CNTNAP2: variants seen among roughly 807,000 people sequenced by gnomAD.
The protein encoded by CNTNAP2 is contactin associated protein 2.
A neutral mutation model predicts 155.2 loss-of-function variants in CNTNAP2; 98 were observed. The ratio of observed to expected loss-of-function variants is 0.63; its 90% CI spans 0.54 to 0.75. The LOEUF is 0.75. CNTNAP2 is among the 30% of genes least tolerant of loss of function. CNTNAP2 has a pLI of 0.00. For missense variants in CNTNAP2, 1,727 were observed against 1,688.1 expected, an observed-to-expected ratio of 1.02 and a Z score of -0.40; for synonymous variants, 651 against 631.2, an observed-to-expected ratio of 1.03 and a Z score of -0.47.
intron 22 of CNTNAP2, among the ~76,000 whole-genome samples, chr7:148,393,695 C>G (rs78746614): frequency 3.3e-3 from 505 of 152,308 alleles, no homozygotes; most frequent in African/African-American, 0.011. Context: ...GTCCAGCAAT[C>G]TATGAATACC....
intron 1 of CNTNAP2, among the ~76,000 whole-genome samples, chr7:146,667,621 G>A (rs986794032): frequency 1.1e-4 from 17 of 151,552 alleles, no homozygotes; most frequent in African/African-American, 4.1e-4. Context: ...GTATCTTTCT[G>A]TTCATTTGTA....
At chr7:147,982,389 T>C (rs1801546282) in intron 15 of CNTNAP2, among the ~76,000 whole-genome samples, 1 of 152,180 alleles carries the variant, frequency 6.6e-6, no homozygotes, top group Non-Finnish European at 1.5e-5. Flanking sequence ...TCCAAGGCCA[T>C]GCCAGAAACA....
intron 13 of CNTNAP2, among the ~76,000 whole-genome samples, chr7:147,709,319 G>C (rs546173354): frequency 6.6e-6 from 1 of 152,182 alleles, no homozygotes; most frequent in South Asian, 2.1e-4. Flanking sequence ...GCCCAATCCC[G>C]CATCTTACTT....
intron 1 of CNTNAP2, among the ~76,000 whole-genome samples, chr7:146,140,860 G>A (rs140906382): frequency 1.6e-3 from 251 of 152,192 alleles, no homozygotes; most frequent in African/African-American, 4.1e-3. Context: ...TATTATGAAG[G>A]GGGTGGTGGC....
chr7:148,253,009 C>G (rs13240702), intron 20 of CNTNAP2, among the ~76,000 whole-genome samples: 29,584 of 139,078 alleles, frequency 0.21, 3,465 homozygotes, highest in Admixed American at 0.26. Flanking sequence ...TAGATAGATA[C>G]ATAGATAGAT....
At chr7:146,721,091 T>C (rs1801291551) in intron 1 of CNTNAP2, among the ~76,000 whole-genome samples, 1 of 127,000 alleles carries the variant, frequency 7.9e-6, no homozygotes, top group African/African-American at 3.2e-5. Flanking sequence ...ATATACTGTC[T>C]ATATATATTC....
At chr7:147,816,548 G>A (rs969709324) in intron 13 of CNTNAP2, among the ~76,000 whole-genome samples, 2 of 152,092 alleles carry the variant, frequency 1.3e-5, no homozygotes, top group Non-Finnish European at 2.9e-5. Context: ...AAAAATAATG[G>A]AGATGGTTAG....
rs73741707 is a variant in CNTNAP2 at position 146,475,242 on chromosome 7, C to G, written c.98-299029C>G. Among the ~76,000 whole-genome samples, 1,131 of 152,198 alleles carry G rather than the reference C, an allele frequency of 7.4e-3. 17 individuals are homozygous for G. The highest frequency in any genetic ancestry group is 0.025 in the African/African-American group (1,059 of 41,546). On this transcript the variant is annotated intron_variant, in intron 1 of 23. Transcript: ENST00000361727. The stretch of plus-strand genomic sequence containing the variant: ...TTCTTAGCTTGCTGGGTTCAGGTTT[C>G]TAACAGGTCACCTGGCAATGCAGTG...
chr7:148,363,373 T>C (rs1365707066), intron 21 of CNTNAP2, among the ~76,000 whole-genome samples: 1 of 152,212 alleles, frequency 6.6e-6, no homozygotes, highest in African/African-American at 2.4e-5. Context: ...TAAGGTAGGG[T>C]GTGTTTGGTA....
chr7:146,606,993 C>A (rs566133633), intron 1 of CNTNAP2, among the ~76,000 whole-genome samples: 1 of 152,170 alleles, frequency 6.6e-6, no homozygotes, highest in South Asian at 2.1e-4. Flanking sequence ...TAAGGTCAGG[C>A]TTTTTATTTT....
chr7:147,778,181 T>G (rs73166228), intron 13 of CNTNAP2, among the ~76,000 whole-genome samples: 7,550 of 152,318 alleles, frequency 0.05, 274 homozygotes, highest in Non-Finnish European at 0.075. Flanking sequence ...TCTTATAGCC[T>G]TTTGATTACA....
intron 13 of CNTNAP2, among the ~76,000 whole-genome samples, chr7:147,769,588 GA>G (rs1797435915): frequency 6.6e-6 from 1 of 152,088 alleles, no homozygotes; most frequent in African/African-American, 2.4e-5. Context: ...AGAGCACAGA[GA>G]CTATGCTTGC....
intron 1 of CNTNAP2, among the ~76,000 whole-genome samples, chr7:146,571,849 A>G (rs941233515): frequency 6.6e-5 from 10 of 150,944 alleles, no homozygotes; most frequent in African/African-American, 2.4e-4. Flanking sequence ...CTCCCATCTC[A>G]GGTTCCCGAG....
chr7:146,406,969 A>G (rs1314699645), intron 1 of CNTNAP2, among the ~76,000 whole-genome samples: 1 of 152,218 alleles, frequency 6.6e-6, no homozygotes, highest in Non-Finnish European at 1.5e-5. Flanking sequence ...CCTTATTTTC[A>G]TAGATCACTT....
At chr7:146,296,887 C>T (rs548547543) in intron 1 of CNTNAP2, among the ~76,000 whole-genome samples, 1 of 151,914 alleles carries the variant, frequency 6.6e-6, no homozygotes, top group East Asian at 1.9e-4. Flanking sequence ...CTAAAAAGTT[C>T]TTAATCATTT....
At chr7:148,230,767 C>A (rs1279355174) in intron 20 of CNTNAP2, among the ~76,000 whole-genome samples, 1 of 152,120 alleles carries the variant, frequency 6.6e-6, no homozygotes, top group Non-Finnish European at 1.5e-5. Flanking sequence ...AACTGACATG[C>A]ACTGTTTCAG....
chr7:147,017,653 A>T (rs1798748103), intron 3 of CNTNAP2, among the ~76,000 whole-genome samples: 1 of 152,086 alleles, frequency 6.6e-6, no homozygotes, highest in Non-Finnish European at 1.5e-5. Flanking sequence ...CGAGTAAAGA[A>T]CAGTAAACTT....
intron 15 of CNTNAP2, among the ~76,000 whole-genome samples, chr7:148,020,937 C>A (rs1802269470): frequency 6.6e-6 from 1 of 152,242 alleles, no homozygotes; most frequent in Admixed American, 6.5e-5. Context: ...GCGCCACCTG[C>A]CACTTTGTGC....
chr7:146,266,749 T>C (rs1799999587), intron 1 of CNTNAP2, among the ~76,000 whole-genome samples: 1 of 152,100 alleles, frequency 6.6e-6, no homozygotes, highest in South Asian at 2.1e-4. Context: ...GAAAGAAATG[T>C]AGAGTCTGGC....
Sources: allele counts gnomAD v4.1 joint callset (sites outside exome capture counted in the v4.1 genomes callset), GRCh38; gene constraint gnomAD v4.1.1; transcripts MANE v1.5; gene names NCBI Gene and HGNC (gene_info 2026-07-23, HGNC 2026-07-21).